Variants in PRKN observed in about 807,000 individuals in gnomAD.
PRKN encodes the protein E3 ubiquitin-protein ligase parkin.
PRKN carries 56 observed loss-of-function variants against 59.5 expected under a neutral mutation model. That is an observed-to-expected ratio of 0.94 (90% CI 0.76 to 1.18). The LOEUF is 1.18. Ranked by LOEUF, PRKN falls within the 50% of genes most tolerant of loss-of-function variation. The pLI, the probability that PRKN is intolerant of heterozygous loss-of-function variation, is 0.00. For synonymous variants in PRKN, 250 were observed against 222.1 expected (o/e 1.13, Z -1.12); for missense variants, 657 against 596.4 (o/e 1.10, Z -1.06).
intron 7 of PRKN, among the ~76,000 whole-genome samples, chr6:161,661,363 C>T (rs570243469): frequency 8.5e-5 from 13 of 152,280 alleles, no homozygotes; most frequent in Admixed American, 2.0e-4. Context: ...CAGGAGCCAT[C>T]TCAGGGCCTG....
Position 161,561,300 on chromosome 6 carries a change from C to G in PRKN, c.933+8055G>C, listed in dbSNP as rs939347327. Among the ~76,000 whole-genome samples the G allele has an allele frequency of 2.6e-5, 4 of 152,074 alleles. No homozygotes were observed. Among genetic ancestry groups the G allele is most frequent in the African/African-American group, 9.7e-5 (4 of 41,408 alleles). ...GTTATAGAAGAAAATGAATTTATTACTTTTATCTGGAGTTGCACCAATTTT... is the reference window on the plus strand; with the variant it reads ...GTTATAGAAGAAAATGAATTTATTAGTTTTATCTGGAGTTGCACCAATTTT... On this transcript the variant is annotated intron_variant, in intron 8 of 11. Transcript: ENST00000366898. The surrounding 1 kb of genome is among the most constrained non-coding windows in gnomAD (Gnocchi z 5.0).
At chr6:162,380,734 A>G (rs561582927) in intron 2 of PRKN, among the ~76,000 whole-genome samples, 1 of 152,044 alleles carries the variant, frequency 6.6e-6, no homozygotes, top group Admixed American at 6.5e-5. Flanking sequence ...TTTAAAAAAA[A>G]ACCTTGAAAA....
At chr6:162,010,234 TTATATATTTATTA>T (rs1782441924) in intron 5 of PRKN, among the ~76,000 whole-genome samples, 1 of 121,190 alleles carries the variant, frequency 8.3e-6, no homozygotes. Context: ...AATATATATT[TTATATATTTATTA>T]TACATAATAT....
chr6:162,475,298 C>T (rs1256752820), intron 1 of PRKN, among the ~76,000 whole-genome samples: 1 of 152,130 alleles, frequency 6.6e-6, no homozygotes, highest in Non-Finnish European at 1.5e-5. Context: ...GGTATAAGGA[C>T]ATCTAAGAAT....
intron 1 of PRKN, among the ~76,000 whole-genome samples, chr6:162,548,083 C>T (rs563702523): frequency 2.0e-5 from 3 of 152,178 alleles, no homozygotes; most frequent in East Asian, 1.9e-4. Context: ...TTTGTTGAGA[C>T]GGAGTCTCGC....
At chr6:162,233,298 G>C (rs1263922756) in intron 3 of PRKN, among the ~76,000 whole-genome samples, 3 of 152,076 alleles carry the variant, frequency 2.0e-5, no homozygotes, top group Non-Finnish European at 4.4e-5. Flanking sequence ...CAAAGCATAT[G>C]CAAGTATTTC....
At chr6:162,512,906 C>T (rs778831793) in intron 1 of PRKN, among the ~76,000 whole-genome samples, 2 of 152,134 alleles carry the variant, frequency 1.3e-5, no homozygotes, top group Non-Finnish European at 2.9e-5. Flanking sequence ...GCATACGGTG[C>T]TATGCACAAC....
chr6:161,599,949 G>A (rs767231414), intron 7 of PRKN, among the ~76,000 whole-genome samples: 7 of 152,274 alleles, frequency 4.6e-5, no homozygotes, highest in South Asian at 2.1e-4. Flanking sequence ...TGACAAAGGC[G>A]AGACCCAATG....
chr6:162,373,382 T>G (rs1259502813), intron 2 of PRKN, among the ~76,000 whole-genome samples: 4 of 152,204 alleles, frequency 2.6e-5, no homozygotes, highest in African/African-American at 7.2e-5. Context: ...ACAATTTCTT[T>G]GTTGGATGTT....
intron 6 of PRKN, among the ~76,000 whole-genome samples, chr6:161,912,947 C>T (rs2004619): frequency 0.38 from 57,916 of 151,804 alleles, 11,442 homozygotes; most frequent in Middle Eastern, 0.51. Context: ...GTGGACGAGG[C>T]GGGTGGATCA....
At chr6:161,744,424 C>T (rs1210605529) in intron 7 of PRKN, among the ~76,000 whole-genome samples, 1 of 152,146 alleles carries the variant, frequency 6.6e-6, no homozygotes, top group African/African-American at 2.4e-5. Flanking sequence ...ATAAGCATGA[C>T]CCCTCACTGA....
chr6:162,560,683 A>C lies in PRKN; in HGVS notation c.8-117210T>G, dbSNP rs867359085. Among the ~76,000 whole-genome samples the C allele has an allele frequency of 2.9e-4, 44 of 152,222 alleles. No homozygotes were observed. The Middle Eastern group carries it at 0.014, about 47-fold the overall frequency. ...ATGTTTACAATTGATATTTCTCTGAAGTATAAATTACAGATTGTGTTAACA... is the reference window on the plus strand; with the variant it reads ...ATGTTTACAATTGATATTTCTCTGACGTATAAATTACAGATTGTGTTAACA... On this transcript the variant is annotated intron_variant, in intron 1 of 11. Transcript: ENST00000366898.
intron 1 of PRKN, among the ~76,000 whole-genome samples, chr6:162,677,161 G>A (rs1304242017): frequency 6.6e-6 from 1 of 150,864 alleles, no homozygotes; most frequent in African/African-American, 2.4e-5. Context: ...CCCAAATTCT[G>A]ATCACAGGGC....
intron 1 of PRKN, among the ~76,000 whole-genome samples, chr6:162,680,163 CTTAA>C (rs778893597): frequency 2.8e-4 from 42 of 150,568 alleles, no homozygotes; most frequent in Non-Finnish European, 4.9e-4. Flanking sequence ...TTAATATATA[CTTAA>C]TTAAGCATAT....
At chr6:161,557,573 C>T (rs1032174716) in intron 8 of PRKN, among the ~76,000 whole-genome samples, 5 of 152,100 alleles carry the variant, frequency 3.3e-5, no homozygotes, top group Non-Finnish European at 7.4e-5. Flanking sequence ...AAACATCCCC[C>T]ACCACTGAAA....
At chr6:161,670,333 C>G in intron 7 of PRKN, among the ~76,000 whole-genome samples, 1 of 152,188 alleles carries the variant, frequency 6.6e-6, no homozygotes, top group Middle Eastern at 3.4e-3. Context: ...AGTTCTGGAG[C>G]GGGTGTTGGT....
intron 2 of PRKN, among the ~76,000 whole-genome samples, chr6:162,402,413 C>T (rs892129657): frequency 6.6e-6 from 1 of 152,060 alleles, no homozygotes; most frequent in Admixed American, 6.5e-5. Context: ...CCCACACTTT[C>T]CACTTCCCAC....
intron 6 of PRKN, among the ~76,000 whole-genome samples, chr6:161,874,577 T>C (rs1431623355): frequency 9.3e-6 from 1 of 107,036 alleles, no homozygotes; most frequent in East Asian, 2.6e-4. Flanking sequence ...ATATATATTA[T>C]GTAAAATATA....
intron 9 of PRKN, among the ~76,000 whole-genome samples, chr6:161,394,357 C>CAAAG (rs1786653275): frequency 6.6e-6 from 1 of 151,908 alleles, no homozygotes; most frequent in African/African-American, 2.4e-5. Flanking sequence ...GTAGAGTACC[C>CAAAG]ACGTTCCTTT....
Sources: allele counts gnomAD v4.1 joint callset (sites outside exome capture counted in the v4.1 genomes callset), GRCh38; gene constraint gnomAD v4.1.1; non-coding constraint Gnocchi (gnomAD v3.1); transcripts MANE v1.5; gene names NCBI Gene and HGNC (gene_info 2026-07-23, HGNC 2026-07-21).